The following CLIC5 variants were observed in gnomAD, a reference collection of about 807,000 sequenced individuals.
CLIC5 encodes the protein chloride intracellular channel protein 5.
In CLIC5, 20 loss-of-function variants were observed where a neutral mutation model predicts 24.7. That is an observed-to-expected ratio of 0.81 (90% CI 0.57 to 1.18). The LOEUF is 1.18. Among genes scored for constraint, CLIC5 ranks in the 50% most tolerant of loss-of-function variants. CLIC5 has a pLI of 0.00. For synonymous variants in CLIC5, 159 were observed against 135.6 expected (o/e 1.17, Z -1.20); for missense variants, 341 against 326.1 (o/e 1.05, Z -0.35).
At chr6:45,883,431 TGGAAGTAGAGCATGGGA>T (rs1182828387) in intron 6 of CLIC5, among the ~76,000 whole-genome samples, 1 of 152,132 alleles carries the variant, frequency 6.6e-6, no homozygotes, top group Non-Finnish European at 1.5e-5. Flanking sequence ...TTAGACAAGG[TGGAAGTAGAGCATGGGA>T]GGATGAAAGG....
chr6:45,963,803 C>A (rs1000277424), intron 1 of CLIC5, among the ~76,000 whole-genome samples: 2 of 152,094 alleles, frequency 1.3e-5, no homozygotes, highest in African/African-American at 4.8e-5. Context: ...TGCCTCATTT[C>A]AATTAAATAT....
At chr6:46,090,624 C>A in the CLIC5 span, among the ~76,000 whole-genome samples, 1 of 152,096 alleles carries the variant, frequency 6.6e-6, no homozygotes, top group Admixed American at 6.5e-5. Flanking sequence ...ATGCACAACA[C>A]GATGCCTTAA....
chr6:46,041,358 A>G (rs1044349374), intron 1 of CLIC5, among the ~76,000 whole-genome samples: 1 of 152,230 alleles, frequency 6.6e-6, no homozygotes, highest in Non-Finnish European at 1.5e-5. Context: ...TAAATAATTA[A>G]TGGTCCCATT....
In CLIC5 at chr6:46,044,476, T is replaced by C. The variant is rs116954455; in HGVS notation, c.540+35227A>G. Among the ~76,000 whole-genome samples the C allele has an allele frequency of 3.9e-4, 60 of 152,312 alleles. No homozygotes were observed. In the East Asian group the frequency reaches 0.011, roughly 29 times the overall value. ...GACCAGGCCTGTCCAGAAATTTACA[T>C]AAATTTGGAAATTTTGCACTGTGGA... On this transcript the variant is annotated intron_variant, in intron 1 of 5. Transcript: ENST00000185206.
intron 1 of CLIC5, among the ~76,000 whole-genome samples, chr6:45,973,661 G>A (rs553111158): frequency 6.6e-5 from 10 of 152,294 alleles, no homozygotes; most frequent in East Asian, 1.9e-4. Context: ...ATAGGTGGCC[G>A]GGCACAGTGG....
At chr6:46,089,939 A>T in the CLIC5 span, among the ~76,000 whole-genome samples, 1 of 152,224 alleles carries the variant, frequency 6.6e-6, no homozygotes. Flanking sequence ...AAAGACATTA[A>T]CAGACAGTAT....
chr6:45,978,244 A>G (rs1211607072), intron 1 of CLIC5, among the ~76,000 whole-genome samples: 3 of 152,180 alleles, frequency 2.0e-5, no homozygotes, highest in Non-Finnish European at 4.4e-5. Flanking sequence ...TGACCCATCT[A>G]TGGTGCCTTT....
chr6:46,038,873 G>A (rs1030467004), intron 1 of CLIC5, among the ~76,000 whole-genome samples: 4 of 152,186 alleles, frequency 2.6e-5, no homozygotes, highest in African/African-American at 9.7e-5. Context: ...AAAAGCAGAT[G>A]AGTTGGGAAA....
intron 6 of CLIC5, among the ~76,000 whole-genome samples, chr6:45,885,505 A>T (rs1248561855): frequency 7.2e-5 from 11 of 152,096 alleles, no homozygotes; most frequent in African/African-American, 2.7e-4. Flanking sequence ...AATATTTTTA[A>T]AAAATAGGTC....
At chr6:46,049,351 A>G (rs976312810) in intron 1 of CLIC5, among the ~76,000 whole-genome samples, 2 of 152,208 alleles carry the variant, frequency 1.3e-5, no homozygotes, top group Non-Finnish European at 2.9e-5. Flanking sequence ...ATGCTCAAAA[A>G]TGTCCCTGTG....
rs1740990025 is a variant in CLIC5 at position 46,015,824 on chromosome 6, GCT to G, written c.-284_-283del. ...AGGTCGTGGGAGCAACAAGTGCCGGGCTGCCCGGAGGTGTCACAGGATCCGCG... is the reference window on the plus strand; with the variant it reads ...AGGTCGTGGGAGCAACAAGTGCCGGGGCCCGGAGGTGTCACAGGATCCGCG... On this transcript the variant is annotated 5_prime_UTR_variant, in exon 1 of 6. Transcript: ENST00000339561. 1 of 1,160,610 alleles carries G rather than the reference GCT, an allele frequency of 8.6e-7. No homozygotes were observed. Among genetic ancestry groups the G allele is most frequent in the South Asian group, 4.3e-5 (1 of 23,452 alleles). The allele number at this position is 1,160,610 out of a possible 1,614,324, so 71.9% of individuals were successfully genotyped here.
downstream of CLIC5, among the ~76,000 whole-genome samples, chr6:45,898,193 C>T (rs1166827925): frequency 6.6e-6 from 1 of 152,142 alleles, no homozygotes; most frequent in Non-Finnish European, 1.5e-5. Flanking sequence ...CTGCCTCAGC[C>T]TCCAAAGTAG....
At chr6:46,063,607 C>G (rs1233796033) in intron 1 of CLIC5, among the ~76,000 whole-genome samples, 2 of 152,162 alleles carry the variant, frequency 1.3e-5, no homozygotes, top group Non-Finnish European at 2.9e-5. Context: ...GAATCTTTGA[C>G]TAAGTCCTGA....
chr6:45,924,087 C>G (rs979906943), intron 4 of CLIC5, among the ~76,000 whole-genome samples: 1 of 152,078 alleles, frequency 6.6e-6, no homozygotes, highest in African/African-American at 2.4e-5. Flanking sequence ...GTATGAGAAA[C>G]AAAGCATACA....
At chr6:46,065,031 A>G (rs1441803840) in intron 1 of CLIC5, among the ~76,000 whole-genome samples, 1 of 152,200 alleles carries the variant, frequency 6.6e-6, no homozygotes, top group African/African-American at 2.4e-5. Context: ...AAACATGTAT[A>G]AAGAAATTGT....
At chr6:46,117,087 C>A in the CLIC5 span, among the ~76,000 whole-genome samples, 3 of 152,174 alleles carry the variant, frequency 2.0e-5, no homozygotes, top group Non-Finnish European at 4.4e-5. Context: ...TTAGTGACCT[C>A]AAATTGTCCC....
At chr6:45,889,638 T>A (rs1482068485) in intron 6 of CLIC5, among the ~76,000 whole-genome samples, 1 of 152,150 alleles carries the variant, frequency 6.6e-6, no homozygotes, top group Non-Finnish European at 1.5e-5. Flanking sequence ...AGTATGATGA[T>A]CAGGGACAAG....
downstream of CLIC5, among the ~76,000 whole-genome samples, chr6:45,896,134 G>A (rs892757252): frequency 6.6e-6 from 1 of 152,166 alleles, no homozygotes; most frequent in Non-Finnish European, 1.5e-5. Flanking sequence ...CTAAGTAGAA[G>A]GATAGGAGAC....
At chr6:45,982,467 C>G (rs1212598510) in intron 1 of CLIC5, among the ~76,000 whole-genome samples, 1 of 152,056 alleles carries the variant, frequency 6.6e-6, no homozygotes, top group African/African-American at 2.4e-5. Flanking sequence ...ATACAGTGTA[C>G]TTACAGAAAC....
Sources: allele counts gnomAD v4.1 joint callset (sites outside exome capture counted in the v4.1 genomes callset), GRCh38; gene constraint gnomAD v4.1.1; transcripts MANE v1.5; gene names NCBI Gene and HGNC (gene_info 2026-07-23, HGNC 2026-07-21).